The following GLCE variants were observed in gnomAD, a reference collection of about 807,000 sequenced individuals.
The protein encoded by GLCE is D-glucuronyl C5-epimerase.
In GLCE, 19 loss-of-function variants were observed where a neutral mutation model predicts 47.9. That is an observed-to-expected ratio of 0.40 (90% CI 0.28 to 0.58). The LOEUF is 0.58. Among genes scored for constraint, GLCE ranks in the 20% least tolerant of loss-of-function variants. GLCE has a pLI of 0.48. For missense variants in GLCE, 556 were observed against 743.3 expected, an observed-to-expected ratio of 0.75 and a Z score of 2.93; for synonymous variants, 245 against 263.4, an observed-to-expected ratio of 0.93 and a Z score of 0.68.
Position 69,269,029 on chromosome 15 carries a change from G to C in GLCE, c.1639G>C (p.Ala547Pro). ...LYERGMESLKAMLPLYDTGSG... is the reference protein window; with the variant it reads ...LYERGMESLKPMLPLYDTGSG... ...TGAGCGTGGCATGGAATCTCTTAAA[G>C]CCATGCTGCCCTTGTATGACACTGG... Residue 547 changes from alanine to proline, a missense_variant, in exon 5 of 5, where the codon GCC becomes CCC. Physicochemically the swap from Ala to Pro is conservative, Grantham distance 27 (BLOSUM62 -1). Coordinates refer to ENST00000261858, the MANE Select transcript of GLCE (RefSeq NM_015554.3). 1 of 1,614,116 alleles carries C rather than the reference G, an allele frequency of 6.2e-7. No homozygotes were observed. The highest frequency in any genetic ancestry group is 8.5e-7 in the Non-Finnish European group (1 of 1,179,958).
chr15:69,262,869 G>A (rs552710040), intron 4 of GLCE, among the ~76,000 whole-genome samples: 12 of 152,282 alleles, frequency 7.9e-5, no homozygotes, highest in African/African-American at 2.9e-4. Flanking sequence ...TACAGGTTGA[G>A]TATCCCTTAT....
At chr15:69,226,461 A>G (rs924760761) in intron 2 of GLCE, among the ~76,000 whole-genome samples, 5 of 152,214 alleles carry the variant, frequency 3.3e-5, no homozygotes, top group African/African-American at 1.2e-4. Context: ...GAGAAATATT[A>G]TAGTCAATTA....
rs1439161519 is a variant in GLCE at position 69,261,114 on chromosome 15, C to T, written c.614C>T (p.Pro205Leu). The T allele has an allele frequency of 3.1e-6, 5 of 1,612,948 alleles. No homozygotes were observed. Among genetic ancestry groups the T allele is most frequent in the South Asian group, 1.1e-5 (1 of 91,064 alleles). Residue 205 changes from proline (P) to leucine (L), a missense_variant, in exon 4 of 5, where the codon CCT becomes CTT. By Grantham distance (98) the Pro-to-Leu change is moderately conservative. Coordinates refer to ENST00000261858, the MANE Select transcript of GLCE (RefSeq NM_015554.3). The part of the protein sequence containing the change: ...EGVPLSTQWG[P>L]QGYFYPIQIA... Reference sequence around the variant, plus strand: ...GTGCCATTATCTACACAATGGGGACCTCAAGGCTATTTCTATCCAATCCAG... The same window carrying T: ...GTGCCATTATCTACACAATGGGGACTTCAAGGCTATTTCTATCCAATCCAG...
intron 2 of GLCE, among the ~76,000 whole-genome samples, chr15:69,215,057 G>C (rs1193928033): frequency 6.6e-6 from 1 of 152,060 alleles, no homozygotes; most frequent in African/African-American, 2.4e-5. Context: ...TCCATCTTGG[G>C]TTTCCCTGAT....
At chr15:69,179,761 G>T (rs1595739136) in intron 1 of GLCE, among the ~76,000 whole-genome samples, 1 of 152,276 alleles carries the variant, frequency 6.6e-6, no homozygotes, top group African/African-American at 2.4e-5. Context: ...AAGGCGGGTG[G>T]ATCACTTGAG....
intron 1 of GLCE, among the ~76,000 whole-genome samples, chr15:69,201,704 C>CT (rs1335725460): frequency 6.6e-6 from 1 of 150,602 alleles, no homozygotes; most frequent in African/African-American, 2.4e-5. Context: ...ATTTATCTCT[C>CT]TTTTTTTCTA....
intron 1 of GLCE, among the ~76,000 whole-genome samples, chr15:69,208,197 T>G (rs2052177676): frequency 6.6e-6 from 1 of 152,078 alleles, no homozygotes; most frequent in African/African-American, 2.4e-5. Context: ...TTTGATGTCA[T>G]ATCTCAGAAC....
intron 2 of GLCE, among the ~76,000 whole-genome samples, chr15:69,238,505 C>T (rs940691758): frequency 1.7e-4 from 26 of 152,264 alleles, no homozygotes; most frequent in African/African-American, 4.8e-4. Context: ...TAAAACTACT[C>T]GTTAAACCTT....
chr15:69,199,945 C>T (rs549569070), intron 1 of GLCE, among the ~76,000 whole-genome samples: 4 of 152,042 alleles, frequency 2.6e-5, no homozygotes, highest in South Asian at 4.1e-4. Context: ...GACTTCTATC[C>T]GTTATGATTC....
rs543373781 is a variant in GLCE, at chr15:69,181,481, A to T, written c.-105+20724A>T. On this transcript the variant is annotated intron_variant, in intron 1 of 4. Coordinates refer to ENST00000261858, the MANE Select transcript of GLCE (RefSeq NM_015554.3). ...GAGGCAAGAGGAAAACCAGGAGAAC[A>T]TGGAATCTTGGAAGCCAATGAAGAA... is the stretch of plus-strand genomic sequence containing the variant. Among the ~76,000 whole-genome samples, 7 of 152,348 alleles carry T rather than the reference A, an allele frequency of 4.6e-5. 1 individual carries two copies. The South Asian group carries it at 1.4e-3, about 32-fold the overall frequency.
chr15:69,183,073 T>C (rs369699620), intron 1 of GLCE, among the ~76,000 whole-genome samples: 1 of 152,100 alleles, frequency 6.6e-6, no homozygotes. Context: ...AAGGTTTGAC[T>C]GTATGGGAAT....
chr15:69,168,730 C>T (rs956040633), intron 1 of GLCE, among the ~76,000 whole-genome samples: 1 of 152,116 alleles, frequency 6.6e-6, no homozygotes, highest in African/African-American at 2.4e-5. Flanking sequence ...TGGGATTTCT[C>T]CATGTTGGTC....
chr15:69,166,959 T>G (rs1461722272), intron 1 of GLCE, among the ~76,000 whole-genome samples: 1 of 147,014 alleles, frequency 6.8e-6, no homozygotes, highest in Non-Finnish European at 1.5e-5. Context: ...CTCACACTTG[T>G]GATCCCAGCA....
intron 4 of GLCE, among the ~76,000 whole-genome samples, chr15:69,267,619 C>A (rs994205970): frequency 6.6e-6 from 1 of 152,170 alleles, no homozygotes; most frequent in African/African-American, 2.4e-5. Context: ...GGGTTCAAGT[C>A]TTGTACCTTG....
chr15:69,211,845 T>C (rs2052237891), intron 2 of GLCE, among the ~76,000 whole-genome samples: 1 of 152,020 alleles, frequency 6.6e-6, no homozygotes, highest in South Asian at 2.1e-4. Context: ...TCTTATATCC[T>C]GCATAACCTG....
At chr15:69,187,361 T>G (rs1269760019) in intron 1 of GLCE, among the ~76,000 whole-genome samples, 2 of 152,230 alleles carry the variant, frequency 1.3e-5, no homozygotes, top group Non-Finnish European at 2.9e-5. Context: ...GTATGTTGAC[T>G]GTGTTACTAT....
chr15:69,187,316 A>G (rs1480543937), intron 1 of GLCE, among the ~76,000 whole-genome samples: 4 of 152,156 alleles, frequency 2.6e-5, no homozygotes, highest in African/African-American at 7.2e-5. Context: ...GATACTATTA[A>G]TATATATAAG....
At chr15:69,168,007 T>C (rs2051530714) in intron 1 of GLCE, among the ~76,000 whole-genome samples, 2 of 152,164 alleles carry the variant, frequency 1.3e-5, no homozygotes, top group Admixed American at 1.3e-4. Context: ...ACTTTACTGG[T>C]CACCTTGTTT....
intron 3 of GLCE, among the ~76,000 whole-genome samples, chr15:69,259,862 A>G (rs866500242): frequency 7.2e-5 from 11 of 152,196 alleles, no homozygotes; most frequent in African/African-American, 2.7e-4. Context: ...TTCCGTAAAC[A>G]TTGTTTTGAA....
Sources: gnomAD v4.1 joint callset for allele counts (sites outside exome capture counted in the v4.1 genomes callset) on GRCh38, gnomAD v4.1.1 for gene constraint, MANE v1.5 for transcripts, NCBI Gene and HGNC (gene_info 2026-07-23, HGNC 2026-07-21) for gene names.